The following PCNT variants were observed in gnomAD, a reference collection of about 807,000 sequenced individuals.
PCNT encodes pericentrin, also known as kendrin.
In PCNT, 319 loss-of-function variants were observed where a neutral mutation model predicts 380.4. That is an observed-to-expected ratio of 0.84 (90% CI 0.77 to 0.92). The LOEUF (loss-of-function observed/expected upper bound fraction) is 0.92, where lower values mean the gene tolerates loss of function less well. Ranked by LOEUF, PCNT falls within the 40% of genes least tolerant of loss-of-function variation. PCNT has a pLI of 0.00. For synonymous variants in PCNT, 1,845 were observed against 1,735.2 expected (o/e 1.06, Z -1.57); for missense variants, 4,400 against 4,255.3 (o/e 1.03, Z -0.95).
At chr21:46,399,375 GGGTCTCTCTGTGCAGCCTGTGGGTCTA>G (rs2086341714) in intron 24 of PCNT, among the ~76,000 whole-genome samples, 188 bp from the exon 25 acceptor site, 1 of 30,456 alleles carries the variant, frequency 3.3e-5, no homozygotes, top group Non-Finnish European at 6.5e-5. Flanking sequence ...CTGTGGGTCT[GGGTCTCTCTGTGCAGCCTGTGGGTCTA>G]GGTCTCCCTG....
intron 24 of PCNT, 35 bp from the exon 25 acceptor site, chr21:46,399,555 C>G (rs1457051097): frequency 1.3e-6 from 2 of 1,491,014 alleles, no homozygotes; most frequent in Middle Eastern, 1.7e-4. Flanking sequence ...ATAAAACATT[C>G]TATTGTATTC....
chr21:46,426,065 C>CTTT, intron 33 of PCNT, 94 bp downstream of exon 33: 9 of 364,940 alleles, frequency 2.5e-5, no homozygotes, highest in South Asian at 3.6e-5. Context: ...ACTAGGATTT[C>CTTT]TTTCTTTTTT....
At chr21:46,373,491 G>A (rs2085223732) in intron 15 of PCNT, among the ~76,000 whole-genome samples, 1 of 147,784 alleles carries the variant, frequency 6.8e-6, no homozygotes, top group Non-Finnish European at 1.5e-5. Context: ...GAGTGCAGTG[G>A]CGTGATCTTG....
intron 5 of PCNT, 68 bp downstream of exon 5, chr21:46,347,066 T>C (rs2084096097): frequency 6.5e-7 from 1 of 1,546,006 alleles, no homozygotes; most frequent in East Asian, 2.3e-5. Flanking sequence ...GCCTGTTCCC[T>C]CTTGGGGTTG....
chr21:46,353,148 T>A lies in PCNT; in HGVS notation c.1501T>A (p.Leu501Ile). ...GGCGCGCACCTCTCGTGTGGAAGAT[T>A]TAGAACAGCTGAAGCAGCGAGAAAA... ...LLARTSRVED[L>I]EQLKQREKTQ... Residue 501 changes from leucine to isoleucine, a missense_variant, in exon 10 of 47, where the codon TTA (leucine) becomes ATA (isoleucine). Transcript: ENST00000359568. 4 of 1,614,026 alleles carry A rather than the reference T, an allele frequency of 2.5e-6. No individual in the cohort carries two copies. The highest frequency in any genetic ancestry group is 3.4e-6 in the Non-Finnish European group (4 of 1,180,030).
At chr21:46,356,037 G>A (rs2084462301) in intron 12 of PCNT, among the ~76,000 whole-genome samples, 1 of 152,230 alleles carries the variant, frequency 6.6e-6, no homozygotes, top group South Asian at 2.1e-4. Flanking sequence ...TAAGGTTGTG[G>A]GATGTCCAGG....
chr21:46,370,221 A>T (rs1204287295), intron 15 of PCNT, among the ~76,000 whole-genome samples: 1 of 142,742 alleles, frequency 7.0e-6, no homozygotes, highest in African/African-American at 2.8e-5. Context: ...AGGGGTGGGC[A>T]TCCGGGGGGG....
In PCNT at chr21:46,402,304, ACTTTT is replaced by A. The variant is rs752651178; in HGVS notation, c.4963-23_4963-19del. ...AATAGAATATTAGATGACTTTTAAT[ACTTTT>A]CTTCTTTTGTTTTAATGAAAGGTTT... is the stretch of plus-strand genomic sequence containing the variant. On this transcript the variant is annotated intron_variant, in intron 26 of 46. Coordinates refer to ENST00000359568, the MANE Select transcript of PCNT (RefSeq NM_006031.6). The A allele has an allele frequency of 6.4e-5, 95 of 1,491,326 alleles. 1 individual carries two copies. The highest frequency in any genetic ancestry group is 2.6e-4 in the South Asian group (23 of 87,246). 92.4% of individuals were successfully genotyped at this position (1,491,326 alleles called of 1,614,324 possible).
rs1394951912 is a variant in PCNT, at chr21:46,435,902, A to G, written c.8752-2A>G. On this transcript the variant is annotated splice_acceptor_variant, in intron 38 of 46. Coordinates refer to ENST00000359568, the MANE Select transcript of PCNT (RefSeq NM_006031.6). LOFTEE classifies it high-confidence loss of function. ...TCTCTGTCTTTTTTCTGTTAACAAC[A>G]GCGAGAATTAGAACTGCAGCGTCAG... The G allele has an allele frequency of 1.2e-6, 2 of 1,614,058 alleles. No homozygotes were observed. Among genetic ancestry groups the G allele is most frequent in the Non-Finnish European group, 1.7e-6 (2 of 1,180,026 alleles).
At chr21:46,378,904 G>C (rs531309281) in intron 15 of PCNT, among the ~76,000 whole-genome samples, 12 of 152,200 alleles carry the variant, frequency 7.9e-5, no homozygotes, top group African/African-American at 2.9e-4. Flanking sequence ...CTTTATGCAC[G>C]TGTCTTTTAA....
rs2084053870 is a variant in PCNT at position 46,346,002 on chromosome 21, C to T, written c.640-126C>T. Reference sequence around the variant, plus strand: ...GGTTGCTCCCACCTTCTGGCCGTTGCGAGTGGTGCTGCTGTGAACAGCTGC... The same window carrying T: ...GGTTGCTCCCACCTTCTGGCCGTTGTGAGTGGTGCTGCTGTGAACAGCTGC... On this transcript the variant is annotated intron_variant, in intron 3 of 46. Coordinates refer to ENST00000359568, the MANE Select transcript of PCNT (RefSeq NM_006031.6). 31 of 879,612 alleles carry T rather than the reference C, an allele frequency of 3.5e-5. No individual in the cohort carries two copies. The South Asian group carries it at 4.1e-4, about 12-fold the overall frequency. 54.5% of individuals were successfully genotyped at this position (879,612 alleles called of 1,614,324 possible). A position where few individuals can be genotyped will look rare whatever the true frequency, so the allele number is the denominator to read the frequency against.
chr21:46,380,362 A>T (rs550020245), intron 15 of PCNT, among the ~76,000 whole-genome samples: 116 of 145,678 alleles, frequency 8.0e-4, no homozygotes, highest in African/African-American at 3.0e-3. Context: ...GGGTTTCACC[A>T]TGTTAGCCAG....
At chr21:46,432,288 G>C (rs2087802680) in intron 38 of PCNT, 73 bp downstream of exon 38, 1 of 1,424,870 alleles carries the variant, frequency 7.0e-7, no homozygotes, top group Admixed American at 2.0e-5. Context: ...GGTTCACGTG[G>C]GGGACGCGAG....
chr21:46,347,132 G>A (rs1244687315), intron 5 of PCNT, 134 bp downstream of exon 5: 1 of 1,154,054 alleles, frequency 8.7e-7, no homozygotes, highest in Admixed American at 2.6e-5. Context: ...ACCTTGCCTG[G>A]TGTCTGGCAC....
chr21:46,368,403 G>A (rs141169680), intron 15 of PCNT, among the ~76,000 whole-genome samples: 175 of 151,896 alleles, frequency 1.2e-3, no homozygotes, highest in Non-Finnish European at 1.9e-3. Flanking sequence ...ATCCGAGATC[G>A]CACCAGTGCA....
intron 11 of PCNT, among the ~76,000 whole-genome samples, chr21:46,354,930 C>T (rs929740850): frequency 2.6e-5 from 4 of 152,214 alleles, no homozygotes; most frequent in Admixed American, 2.6e-4. Context: ...CACGAGCAGG[C>T]CTTGCACCAG....
chr21:46,376,436 G>A (rs373760924), intron 15 of PCNT, among the ~76,000 whole-genome samples: 25 of 152,348 alleles, frequency 1.6e-4, no homozygotes, highest in African/African-American at 6.0e-4. Flanking sequence ...GGGCCCCACA[G>A]GCTGACGCTG....
rs182378192 is a variant in PCNT, at chr21:46,445,281, C to T, written c.9968-3C>T. On this transcript the variant is annotated splice_region_variant and splice_polypyrimidine_tract_variant and intron_variant, in intron 46 of 46. Transcript: ENST00000359568. ...TTGCTGCCTCATTTTTATTTATATG[C>T]AGATTCTACTTCAAAGAAATCCTGC... 489 of 1,602,302 alleles carry T rather than the reference C, an allele frequency of 3.1e-4. No individual in the cohort carries two copies. The highest frequency in any genetic ancestry group is 3.3e-4 in the Non-Finnish European group (390 of 1,169,172).
chr21:46,390,992 G>C (rs890754555), intron 20 of PCNT, among the ~76,000 whole-genome samples, 160 bp downstream of exon 20: 7 of 152,194 alleles, frequency 4.6e-5, no homozygotes, highest in African/African-American at 1.7e-4. Flanking sequence ...TGGGGTGGTC[G>C]GGAGCTGCTG....
Sources: allele counts gnomAD v4.1 joint callset (sites outside exome capture counted in the v4.1 genomes callset), GRCh38; gene constraint gnomAD v4.1.1; transcripts MANE v1.5; gene names NCBI Gene and HGNC (gene_info 2026-07-23, HGNC 2026-07-21).